Variants in ABTB3 observed in about 807,000 individuals in gnomAD.
ABTB3 encodes the protein ankyrin repeat- and BTB/POZ domain-containing protein 3.
the ABTB3 span, among the ~76,000 whole-genome samples, chr12:107,601,873 T>C: frequency 3.3e-5 from 5 of 152,350 alleles, no homozygotes; most frequent in South Asian, 1.0e-3. Flanking sequence ...ATAAGATTAG[T>C]GTTCCCATTT....
chr12:107,335,778 C>T, the ABTB3 span, among the ~76,000 whole-genome samples: 8 of 151,990 alleles, frequency 5.3e-5, no homozygotes, highest in African/African-American at 1.4e-4. Context: ...TGAGGCTAGG[C>T]GAGTGAGGTA....
the ABTB3 span, chr12:107,658,011 T>C: frequency 2.4e-6 from 1 of 424,762 alleles, no homozygotes; most frequent in African/African-American, 2.0e-5. Context: ...AGTGAATGGA[T>C]TGAGGCCTTT....
chr12:107,555,881 GAGA>G, the ABTB3 span, among the ~76,000 whole-genome samples: 1 of 152,112 alleles, frequency 6.6e-6, no homozygotes, highest in Non-Finnish European at 1.5e-5. Flanking sequence ...CAAAGCAACA[GAGA>G]AGGATTCATT....
At chr12:107,343,701 A>G in the ABTB3 span, among the ~76,000 whole-genome samples, 660 of 152,340 alleles carry the variant, frequency 4.3e-3, 5 homozygotes, top group African/African-American at 0.015. Flanking sequence ...AAAGAGGTTT[A>G]ATTGACTTAT....
At chr12:107,432,160 C>A in the ABTB3 span, among the ~76,000 whole-genome samples, 10 of 152,144 alleles carry the variant, frequency 6.6e-5, no homozygotes, top group African/African-American at 2.4e-4. Context: ...GGGTTTGGCA[C>A]AACACAGAGC....
chr12:107,373,350 G>C, the ABTB3 span, among the ~76,000 whole-genome samples: 1 of 152,082 alleles, frequency 6.6e-6, no homozygotes. Flanking sequence ...AAATATATGA[G>C]AAGATTCAGG....
At chr12:107,377,707 G>A in the ABTB3 span, among the ~76,000 whole-genome samples, 2 of 152,190 alleles carry the variant, frequency 1.3e-5, no homozygotes, top group Non-Finnish European at 2.9e-5. Flanking sequence ...GCAAATGCCT[G>A]TTGAAGATGG....
chr12:107,484,276 G>A, the ABTB3 span, among the ~76,000 whole-genome samples: 2 of 152,242 alleles, frequency 1.3e-5, no homozygotes, highest in African/African-American at 4.8e-5. Context: ...TCAAACGGGT[G>A]TCCCAAAGCC....
At chr12:107,612,911 C>T in the ABTB3 span, 11 of 1,582,226 alleles carry the variant, frequency 7.0e-6, no homozygotes, top group African/African-American at 2.7e-5. Context: ...GCCGGCAGTC[C>T]CCAGGGGAAA....
chr12:107,430,116 G>T, the ABTB3 span, among the ~76,000 whole-genome samples: 2 of 152,034 alleles, frequency 1.3e-5, no homozygotes, highest in Non-Finnish European at 2.9e-5. Context: ...TCTTTTTTCA[G>T]TTGGTAGTAT....
At chr12:107,320,660 G>A in the ABTB3 span, 56 of 456,144 alleles carry the variant, frequency 1.2e-4, no homozygotes, top group African/African-American at 1.0e-3. Context: ...ACTGGGGTGC[G>A]GGAAGACTTG....
At chr12:107,549,400 A>G in the ABTB3 span, among the ~76,000 whole-genome samples, 1,743 of 152,314 alleles carry the variant, frequency 0.011, 32 homozygotes, top group African/African-American at 0.038. Flanking sequence ...ACTTACTCCT[A>G]TGGACATACC....
chr12:107,347,911 C>A, the ABTB3 span, among the ~76,000 whole-genome samples: 91 of 152,142 alleles, frequency 6.0e-4, no homozygotes, highest in African/African-American at 2.0e-3. Flanking sequence ...GTAACCACAA[C>A]AATGAAATAC....
the ABTB3 span, chr12:107,658,338 C>CT: frequency 5.3e-4 from 77 of 145,086 alleles, no homozygotes; most frequent in Middle Eastern, 3.6e-3. Flanking sequence ...TTCTTTATTT[C>CT]TTTTTTTTTT....
At chr12:107,441,431 AG>A in the ABTB3 span, among the ~76,000 whole-genome samples, 1 of 152,036 alleles carries the variant, frequency 6.6e-6, no homozygotes, top group South Asian at 2.1e-4. Context: ...CGACACAAGG[AG>A]GGGATCAACA....
chr12:107,647,932 C>A, the ABTB3 span, among the ~76,000 whole-genome samples: 1 of 152,142 alleles, frequency 6.6e-6, no homozygotes, highest in Non-Finnish European at 1.5e-5. Context: ...CTATATTGGT[C>A]ACAGACTGAA....
the ABTB3 span, among the ~76,000 whole-genome samples, chr12:107,545,878 T>C: frequency 6.6e-6 from 1 of 152,072 alleles, no homozygotes; most frequent in Non-Finnish European, 1.5e-5. Context: ...AGCCGTGCAG[T>C]TTCTCTGGCT....
the ABTB3 span, among the ~76,000 whole-genome samples, chr12:107,489,098 C>T: frequency 2.0e-4 from 30 of 152,120 alleles, no homozygotes; most frequent in Non-Finnish European, 1.5e-5. Context: ...TCTGGCAGTC[C>T]TGTAAAATAA....
At chr12:107,420,212 T>A in the ABTB3 span, among the ~76,000 whole-genome samples, 2 of 152,200 alleles carry the variant, frequency 1.3e-5, no homozygotes, top group South Asian at 4.1e-4. Context: ...TCCTTCTTGA[T>A]CTTTCTGATC....
Sources: gnomAD v4.1 joint callset for allele counts (sites outside exome capture counted in the v4.1 genomes callset) on GRCh38, gnomAD v4.1.1 for gene constraint, MANE v1.5 for transcripts, NCBI Gene and HGNC (gene_info 2026-07-23, HGNC 2026-07-21) for gene names.